LRP4: variants seen among roughly 807,000 people sequenced by gnomAD.
The protein encoded by LRP4 is low-density lipoprotein receptor-related protein 4.
LRP4 carries 95 observed loss-of-function variants against 220.3 expected under a neutral mutation model. The ratio of observed to expected loss-of-function variants is 0.43; its 90% CI spans 0.37 to 0.51. The LOEUF (loss-of-function observed/expected upper bound fraction) is 0.51. Ranked by LOEUF, LRP4 falls within the 20% of genes least tolerant of loss-of-function variation. LRP4 has a pLI of 0.00. For missense variants in LRP4, 1,925 were observed against 2,567.0 expected (o/e 0.75, Z 5.40); for synonymous variants, 903 against 954.6 (o/e 0.95, Z 1.00).
At chr11:46,870,395 T>G in intron 31 of LRP4, among the ~76,000 whole-genome samples, 1 of 152,266 alleles carries the variant, frequency 6.6e-6, no homozygotes, top group East Asian at 1.9e-4. Context: ...TTTCTTTTCT[T>G]TCCTTTCTTC....
intron 1 of LRP4, among the ~76,000 whole-genome samples, chr11:46,910,909 C>A (rs757009965): frequency 1.3e-5 from 2 of 152,138 alleles, no homozygotes; most frequent in Non-Finnish European, 2.9e-5. Flanking sequence ...CTCCTGGCCT[C>A]AAGTGATCCA....
At chr11:46,901,366 T>TAACA (rs1592547813) in intron 2 of LRP4, among the ~76,000 whole-genome samples, 1 of 152,234 alleles carries the variant, frequency 6.6e-6, no homozygotes. Flanking sequence ...GTTCATTACG[T>TAACA]AACACTCTGA....
chr11:46,903,672 G>A (rs1011671570), intron 1 of LRP4, among the ~76,000 whole-genome samples: 1 of 152,210 alleles, frequency 6.6e-6, no homozygotes, highest in East Asian at 1.9e-4. Flanking sequence ...CAGACCCTGG[G>A]ATGTTGGCCA....
chr11:46,888,846 G>C (rs769272372), intron 16 of LRP4, among the ~76,000 whole-genome samples: 1 of 152,150 alleles, frequency 6.6e-6, no homozygotes, highest in African/African-American at 2.4e-5. Flanking sequence ...AAGTCATCGT[G>C]TGCTGGGCTC....
chr11:46,874,429 C>G (rs981213062), intron 28 of LRP4: 1 of 196,056 alleles, frequency 5.1e-6, no homozygotes, highest in Non-Finnish European at 1.1e-5. Context: ...TAAGACTTGG[C>G]ATTTGATTGG....
rs1940420644 is a variant in LRP4 at position 46,857,877 on chromosome 11, G to C, written c.*1106C>G. ...CACTAACTTAGATCCCTGAGCACTT[G>C]AGAAAGAACATAGGAAGTTCAACAG... On this transcript the variant is annotated 3_prime_UTR_variant, in exon 38 of 38. Coordinates refer to ENST00000378623, the MANE Select transcript of LRP4 (RefSeq NM_002334.4). 1 of 152,626 alleles carries C rather than the reference G, an allele frequency of 6.6e-6. No homozygotes were observed. The highest frequency in any genetic ancestry group is 1.5e-5 in the Non-Finnish European group (1 of 68,042). 9.5% of individuals were successfully genotyped at this position (152,626 alleles called of 1,614,324 possible). A position where few individuals can be genotyped will look rare whatever the true frequency, so the allele number is the denominator to read the frequency against.
At position 46,877,059 on chromosome 11, in the gene LRP4, A is replaced by G. The variant is rs112168929; in HGVS notation, c.3277+140T>C. The G allele has an allele frequency of 0.011, 11,040 of 1,045,034 alleles. 95 individuals are homozygous for G. Among genetic ancestry groups the G allele is most frequent in the Middle Eastern group, 0.017 (58 of 3,382 alleles). 64.7% of individuals were successfully genotyped at this position (1,045,034 alleles called of 1,614,324 possible). A position where few individuals can be genotyped will look rare whatever the true frequency, so the allele number is the denominator to read the frequency against. ...ACCAAAGAGAGAGTGCTAGAGAGACAGGGACAGGGGCTATGCCAGAGGGAA... is the reference window on the plus strand; with the variant it reads ...ACCAAAGAGAGAGTGCTAGAGAGACGGGGACAGGGGCTATGCCAGAGGGAA... On this transcript the variant is annotated intron_variant, in intron 23 of 37. Transcript: ENST00000378623.
intron 1 of LRP4, among the ~76,000 whole-genome samples, chr11:46,903,559 T>C (rs1941708378): frequency 6.6e-6 from 1 of 152,166 alleles, no homozygotes; most frequent in Non-Finnish European, 1.5e-5. Context: ...TTGGTGCTTT[T>C]GAAGAAGAGG....
rs535825255 is a variant in LRP4, at chr11:46,913,912, G to C, written c.52+4416C>G. ...ATCACGTTTTCAAGGGGAGAAAGAA[G>C]GGGCAGATCTTTAAAAGAGACAAGC... On this transcript the variant is annotated intron_variant, in intron 1 of 37. Transcript: ENST00000378623. Among the ~76,000 whole-genome samples, 15 of 152,242 alleles carry C rather than the reference G, an allele frequency of 9.9e-5. No homozygotes were observed. In the South Asian group the frequency reaches 1.0e-3, roughly 11 times the overall value.
At position 46,876,494 on chromosome 11, in the gene LRP4, G is replaced by A. The variant is rs387906884; in HGVS notation, c.3508C>T (p.Arg1170Trp). The A allele has an allele frequency of 3.1e-6, 5 of 1,614,158 alleles. No individual in the cohort carries two copies. The highest frequency in any genetic ancestry group is 2.2e-5 in the East Asian group (1 of 44,882). ...ATCTCATGGTACAGTACGATGGCCC[G>A]GGGACTGTCAAGGTTCTGCCACACC... ...VLVWQNLDSP[R>W]AIVLYHEMGF... is the part of the protein sequence containing the mutation. The change falls in exon 25 of 38, where the codon CGG becomes TGG. Residue 1170 changes from arginine (R) to tryptophan (W), a missense_variant. Arg to Trp is a moderately radical substitution (Grantham distance 101, BLOSUM62 -3). This residue lies in a region of LRP4 where 1,244 missense variants were observed against 1,624.9 expected (regional missense o/e 0.77). Coordinates refer to ENST00000378623, the MANE Select transcript of LRP4 (RefSeq NM_002334.4).
chr11:46,895,086 A>G, intron 11 of LRP4, 80 bp downstream of exon 11: 1 of 1,582,868 alleles, frequency 6.3e-7, no homozygotes, highest in Non-Finnish European at 8.6e-7. Context: ...ACCTCTCTGC[A>G]AATCCCTGAG....
chr11:46,872,968 A>T, intron 30 of LRP4, 132 bp downstream of exon 30: 1 of 1,269,552 alleles, frequency 7.9e-7, no homozygotes, highest in East Asian at 2.3e-5. Flanking sequence ...ATATTCCCTT[A>T]TCCTTCTCAA....
rs1339727277 is a variant in LRP4 at position 46,874,905 on chromosome 11, G to A, written c.4124C>T (p.Thr1375Ile). The change falls in exon 28 of 38, where the codon ACC becomes ATC. Residue 1375 changes from threonine (T) to isoleucine (I), a missense_variant. By Grantham distance (89) the Thr-to-Ile change is moderately conservative. Coordinates refer to ENST00000378623, the MANE Select transcript of LRP4 (RefSeq NM_002334.4). ...RRISLDTSDH[T>I]DVHVPVPELN... ...CTCAGGAACAGGGACATGCACATCG[G>A]TGTGGTCACTGGTGTCCAGTGAGAT... 6 of 1,614,068 alleles carry A rather than the reference G, an allele frequency of 3.7e-6. No individual in the cohort carries two copies. The highest frequency in any genetic ancestry group is 1.3e-5 in the African/African-American group (1 of 74,934).
chr11:46,874,130 C>T (rs1423314364), intron 28 of LRP4: 3 of 167,426 alleles, frequency 1.8e-5, no homozygotes, highest in African/African-American at 2.4e-5. Flanking sequence ...TTGCAAAGGC[C>T]CTATGGGCAG....
intron 16 of LRP4, among the ~76,000 whole-genome samples, chr11:46,887,561 A>C (rs11819969): frequency 0.15 from 22,609 of 151,770 alleles, 2,567 homozygotes; most frequent in African/African-American, 0.33. Flanking sequence ...CACTGGGCAC[A>C]GTGGCTCACG....
chr11:46,864,098 T>C (rs1940631080), intron 36 of LRP4, among the ~76,000 whole-genome samples: 1 of 152,166 alleles, frequency 6.6e-6, no homozygotes, highest in Non-Finnish European at 1.5e-5. Context: ...CCAATTTCAG[T>C]GGTTTGAAGC....
intron 36 of LRP4, 111 bp from the exon 37 acceptor site, chr11:46,862,858 C>G (rs757338233): frequency 1.1e-4 from 95 of 902,866 alleles, no homozygotes; most frequent in Non-Finnish European, 1.5e-4. Flanking sequence ...CCAGTGACTC[C>G]CACTTCCTGG....
chr11:46,902,210 T>G (rs1490598075), intron 2 of LRP4, among the ~76,000 whole-genome samples: 1 of 151,466 alleles, frequency 6.6e-6, no homozygotes, highest in Non-Finnish European at 1.5e-5. Flanking sequence ...ATACAAAAAA[T>G]TAGCTGGGCA....
intron 1 of LRP4, among the ~76,000 whole-genome samples, chr11:46,916,092 T>G (rs1188700653): frequency 6.6e-6 from 1 of 152,060 alleles, no homozygotes; most frequent in Non-Finnish European, 1.5e-5. Context: ...CTTACAAACA[T>G]GTGCACAGAA....
Sources: allele counts gnomAD v4.1 joint callset (sites outside exome capture counted in the v4.1 genomes callset), GRCh38; gene constraint gnomAD v4.1.1; regional missense constraint gnomAD v4.1.1; transcripts MANE v1.5; gene names NCBI Gene and HGNC (gene_info 2026-07-23, HGNC 2026-07-21).